Variants in PHF21B observed in about 807,000 individuals in gnomAD.
PHF21B encodes PHD finger protein 21B.
Under a neutral mutation model 62.2 loss-of-function variants are expected in PHF21B, and 22 were observed. The observed-to-expected ratio is 0.35, with a 90% CI of 0.25 to 0.51. The LOEUF is 0.51. PHF21B is among the 20% of genes least tolerant of loss of function. The pLI is 0.97. For missense variants in PHF21B, 701 were observed against 707.9 expected, an observed-to-expected ratio of 0.99 and a Z score of 0.11; for synonymous variants, 341 against 314.7, an observed-to-expected ratio of 1.08 and a Z score of -0.88.
chr22:45,006,685 C>T (rs2034054232), intron 2 of PHF21B, among the ~76,000 whole-genome samples: 1 of 152,060 alleles, frequency 6.6e-6, no homozygotes, highest in South Asian at 2.1e-4. Context: ...CAAGCAGAAA[C>T]ATAAAGAGAC....
chr22:44,982,762 T>C (rs2072866315), intron 2 of PHF21B, among the ~76,000 whole-genome samples: 1 of 152,170 alleles, frequency 6.6e-6, no homozygotes, highest in South Asian at 2.1e-4. Context: ...CTGGAAATCA[T>C]TGATTATTTT....
At chr22:44,912,836 G>C (rs1323300721) in intron 5 of PHF21B, among the ~76,000 whole-genome samples, 3 of 118,070 alleles carry the variant, frequency 2.5e-5, no homozygotes. Flanking sequence ...CTATGATGGT[G>C]CCAGTGCACA....
chr22:44,925,703 CA>C (rs1260728360), intron 2 of PHF21B, among the ~76,000 whole-genome samples: 1 of 152,218 alleles, frequency 6.6e-6, no homozygotes, highest in Non-Finnish European at 1.5e-5. Flanking sequence ...TGGCGGGCAG[CA>C]CTGAGACCAC....
chr22:44,962,615 T>C (rs1336296453), intron 2 of PHF21B, among the ~76,000 whole-genome samples: 2 of 152,256 alleles, frequency 1.3e-5, no homozygotes, highest in African/African-American at 2.4e-5. Context: ...CCATCATCAG[T>C]CAGGGACCAT....
chr22:44,907,276 A>T (rs2071267839), intron 5 of PHF21B, among the ~76,000 whole-genome samples: 2 of 152,248 alleles, frequency 1.3e-5, no homozygotes, highest in South Asian at 4.1e-4. Flanking sequence ...ATCAGGAGGC[A>T]TCTGAAGGAT....
At chr22:44,888,552 C>T (rs906806491) in intron 9 of PHF21B, among the ~76,000 whole-genome samples, 23 of 152,166 alleles carry the variant, frequency 1.5e-4, no homozygotes, top group African/African-American at 5.6e-4. Context: ...GCACTCCCTC[C>T]CCGCCCCCAC....
intron 12 of PHF21B, among the ~76,000 whole-genome samples, chr22:44,884,105 G>T (rs553749963): frequency 9.7e-6 from 1 of 103,332 alleles, no homozygotes; most frequent in Non-Finnish European, 2.1e-5. Context: ...CCATCACTGT[G>T]ATCAGCACCA....
intron 2 of PHF21B, among the ~76,000 whole-genome samples, chr22:44,922,561 G>C (rs2071556453): frequency 6.6e-6 from 1 of 151,434 alleles, no homozygotes; most frequent in Admixed American, 6.6e-5. Context: ...GAACCTGGGA[G>C]GTGGAGGTTG....
rs1330097029 is a variant in PHF21B, at chr22:44,913,961, A to G, written c.692T>C (p.Val231Ala). 2 of 1,446,898 alleles carry G rather than the reference A, an allele frequency of 1.4e-6. No homozygotes were observed. The highest frequency in any genetic ancestry group is 3.5e-5 in the East Asian group (1 of 28,290). The allele number at this position is 1,446,898 out of a possible 1,614,324, so 89.6% of individuals were successfully genotyped here. A position where few individuals can be genotyped will look rare whatever the true frequency, so the allele number is the denominator to read the frequency against. Residue 231 changes from valine to alanine, a missense_variant, in exon 5 of 13, where the codon GTC becomes GCC. Val to Ala is a moderately conservative substitution (Grantham distance 64). Transcript: ENST00000313237. ...CTGCACTTGAGGCTGAATGATGATG[A>G]CCTGGAAGATGCCATGGAGGGGTGA... The part of the protein sequence containing the change: ...SPSPLHGIFQ[V>A]IIIQPQVQTQ...
In PHF21B at chr22:44,899,493, G is replaced by T. The variant is rs371022941; in HGVS notation, c.832-3410C>A. Reference sequence around the variant, plus strand: ...TCTAGTAGAGACGGGGTTTCACCATGTTGGCCAGGCTGGTCTCGAACTCTT... The same window carrying T: ...TCTAGTAGAGACGGGGTTTCACCATTTTGGCCAGGCTGGTCTCGAACTCTT... On this transcript the variant is annotated intron_variant, in intron 5 of 12. Transcript: ENST00000313237. Among the ~76,000 whole-genome samples the T allele has an allele frequency of 3.3e-3, 509 of 152,026 alleles. 3 individuals are homozygous for T. The highest frequency in any genetic ancestry group is 0.012 in the African/African-American group (481 of 41,476).
Position 44,923,886 on chromosome 22 carries a change from C to T in PHF21B, c.121-3396G>A, listed in dbSNP as rs540986843. Among the ~76,000 whole-genome samples, 8 of 151,932 alleles carry T rather than the reference C, an allele frequency of 5.3e-5. No homozygotes were observed. The East Asian group carries it at 1.4e-3, about 26-fold the overall frequency. ...ATTAGCTGAGCATGGTAGCACATGC[C>T]TGTAGTCTCAGCTGCTTGGGAGGCT... On this transcript the variant is annotated intron_variant, in intron 2 of 12. Transcript: ENST00000313237.
Position 44,953,912 on chromosome 22 carries a change from C to T in PHF21B, c.121-33422G>A, listed in dbSNP as rs1168085430. On this transcript the variant is annotated intron_variant, in intron 2 of 12. Transcript: ENST00000313237. ...GGCACAGAACAGTGAAGCAACTTGC[C>T]CAAGCCCACCCCGCCAGGAGAGGTG... Among the ~76,000 whole-genome samples, 4 of 152,198 alleles carry T rather than the reference C, an allele frequency of 2.6e-5. No individual in the cohort carries two copies. The East Asian group carries it at 7.7e-4, about 29-fold the overall frequency.
At chr22:44,899,360 A>G (rs2071117304) in intron 5 of PHF21B, among the ~76,000 whole-genome samples, 1 of 134,558 alleles carries the variant, frequency 7.4e-6, no homozygotes, top group African/African-American at 2.9e-5. Flanking sequence ...GCATGATCTC[A>G]GCTCACTGCA....
chr22:44,996,530 C>T (rs1442066688), intron 2 of PHF21B, among the ~76,000 whole-genome samples: 1 of 151,958 alleles, frequency 6.6e-6, no homozygotes, highest in African/African-American at 2.4e-5. Context: ...AGGGCTGCTC[C>T]CTCTCAAACA....
chr22:44,883,630 C>T (rs1171709489), intron 12 of PHF21B, among the ~76,000 whole-genome samples: 3 of 152,158 alleles, frequency 2.0e-5, no homozygotes, highest in Non-Finnish European at 4.4e-5. Flanking sequence ...GCAGCAGCCT[C>T]GGAGGCCTTT....
chr22:44,984,585 G>A (rs766048897), intron 2 of PHF21B, among the ~76,000 whole-genome samples: 12 of 152,306 alleles, frequency 7.9e-5, no homozygotes, highest in Middle Eastern at 3.4e-3. Context: ...TGGCAATGCC[G>A]TAGCTGGAGG....
At chr22:44,939,279 G>C (rs2071909346) in intron 2 of PHF21B, among the ~76,000 whole-genome samples, 1 of 152,342 alleles carries the variant, frequency 6.6e-6, no homozygotes, top group African/African-American at 2.4e-5. Context: ...GGGAGACTCT[G>C]AAGCTCCAGG....
intron 2 of PHF21B, among the ~76,000 whole-genome samples, chr22:44,978,314 C>T (rs1279002064): frequency 3.3e-5 from 5 of 152,218 alleles, no homozygotes; most frequent in African/African-American, 4.8e-5. Flanking sequence ...TGTTGGTATT[C>T]GTCTGGAAGA....
intron 2 of PHF21B, among the ~76,000 whole-genome samples, chr22:44,926,001 G>C (rs1385921288): frequency 1.4e-4 from 21 of 152,378 alleles, no homozygotes; most frequent in Non-Finnish European, 1.0e-4. Flanking sequence ...ACCCAACTGG[G>C]GCCGCAGGCC....
Sources: gnomAD v4.1 joint callset for allele counts (sites outside exome capture counted in the v4.1 genomes callset) on GRCh38, gnomAD v4.1.1 for gene constraint, MANE v1.5 for transcripts, NCBI Gene and HGNC (gene_info 2026-07-23, HGNC 2026-07-21) for gene names.